Variants in NEMP2 observed in about 807,000 individuals in gnomAD.
NEMP2 encodes the protein UPF0571 transmembrane protein.
A neutral mutation model predicts 54.2 loss-of-function variants in NEMP2; 53 were observed. That is an observed-to-expected ratio of 0.98 (90% confidence interval 0.78 to 1.23). The LOEUF is 1.23. NEMP2 is among the 50% of genes most tolerant of loss of function. The pLI is 0.00. For missense variants in NEMP2, 455 were observed against 511.3 expected, an observed-to-expected ratio of 0.89 and a Z score of 1.06; for synonymous variants, 197 against 190.3, an observed-to-expected ratio of 1.04 and a Z score of -0.29.
At chr2:190,643,716 C>T in the NEMP2 span, among the ~76,000 whole-genome samples, 1 of 152,090 alleles carries the variant, frequency 6.6e-6, no homozygotes, top group African/African-American at 2.4e-5. Flanking sequence ...AGCTTCAGCC[C>T]AGGAGTTCGA....
At chr2:190,480,657 G>C in the NEMP2 span, among the ~76,000 whole-genome samples, 2 of 152,186 alleles carry the variant, frequency 1.3e-5, no homozygotes, top group Non-Finnish European at 2.9e-5. Flanking sequence ...GCTAAGGCTT[G>C]AATTAGACTA....
the NEMP2 span, chr2:190,648,332 G>C: frequency 6.6e-6 from 1 of 152,254 alleles, no homozygotes; most frequent in African/African-American, 2.4e-5. Context: ...AGATGGGCGA[G>C]GCAGAGATGC....
the NEMP2 span, chr2:190,442,537 A>G: frequency 6.6e-6 from 1 of 152,152 alleles, no homozygotes; most frequent in South Asian, 2.1e-4. Context: ...GGTTCTTAAA[A>G]TAGTCCAAGT....
At chr2:190,515,077 G>A (rs911390372) in intron 6 of NEMP2, among the ~76,000 whole-genome samples, 1 of 152,128 alleles carries the variant, frequency 6.6e-6, no homozygotes, top group Non-Finnish European at 1.5e-5. Flanking sequence ...AGTGGAGGGA[G>A]TCACCCTCTG....
the NEMP2 span, among the ~76,000 whole-genome samples, chr2:190,540,833 A>G: frequency 6.6e-6 from 1 of 152,168 alleles, no homozygotes; most frequent in South Asian, 2.1e-4. Flanking sequence ...GTTTGGTAGA[A>G]TTCAGCAGTG....
At chr2:190,623,297 C>T in the NEMP2 span, among the ~76,000 whole-genome samples, 1 of 151,978 alleles carries the variant, frequency 6.6e-6, no homozygotes, top group African/African-American at 2.4e-5. Flanking sequence ...TGACATTCAT[C>T]ACAGAAATAG....
the NEMP2 span, among the ~76,000 whole-genome samples, chr2:190,598,440 T>C: frequency 2.0e-5 from 3 of 152,400 alleles, no homozygotes; most frequent in East Asian, 5.8e-4. Flanking sequence ...CTGTAACTTA[T>C]AATTGCTTTT....
chr2:190,476,751 A>G, the NEMP2 span, among the ~76,000 whole-genome samples: 9 of 152,278 alleles, frequency 5.9e-5, no homozygotes, highest in East Asian at 5.8e-4. Flanking sequence ...AGACACATGC[A>G]CACATATGTT....
chr2:190,586,961 C>A, the NEMP2 span, among the ~76,000 whole-genome samples: 1 of 152,108 alleles, frequency 6.6e-6, no homozygotes, highest in Non-Finnish European at 1.5e-5. The surrounding 1 kb of genome is among the most constrained non-coding windows in gnomAD (Gnocchi z 4.5). Context: ...TCATTTTCAT[C>A]TCTTGTGGAA....
At chr2:190,560,287 T>G in the NEMP2 span, among the ~76,000 whole-genome samples, 1 of 152,190 alleles carries the variant, frequency 6.6e-6, no homozygotes, top group Admixed American at 6.5e-5. This position sits in a 1 kb window ranked among gnomAD's most constrained non-coding sequence, Gnocchi z 5.4. Flanking sequence ...AAATCATGAA[T>G]GCAGTGGTCT....
At chr2:190,442,664 C>T in the NEMP2 span, 7 of 152,148 alleles carry the variant, frequency 4.6e-5, no homozygotes, top group Non-Finnish European at 7.4e-5. Flanking sequence ...GAGACCCCTA[C>T]ATTTCCAGCT....
At position 190,504,808 on chromosome 2, in the gene NEMP2, T is replaced by C. The variant is rs1030636313; in HGVS notation, c.*4381A>G. On this transcript the variant is annotated 3_prime_UTR_variant, in exon 9 of 9. Coordinates refer to ENST00000409150, the MANE Select transcript of NEMP2 (RefSeq NM_001142645.2). This position sits in a 1 kb window ranked among gnomAD's most constrained non-coding sequence, Gnocchi z 5.6. The stretch of plus-strand genomic sequence containing the variant: ...TCACTGGCATCTTAGAAAAATAACA[T>C]GTAGACCAGTGCTACTCAAAGTGTG... 3.9e-5 allele frequency: 6 copies of C among 152,220 alleles called. No individual in the cohort carries two copies. Among genetic ancestry groups the C allele is most frequent in the African/African-American group, 9.6e-5 (4 of 41,454 alleles). 9.4% of individuals were successfully genotyped at this position (152,220 alleles called of 1,614,324 possible). A position where few individuals can be genotyped will look rare whatever the true frequency, so the allele number is the denominator to read the frequency against.
the NEMP2 span, among the ~76,000 whole-genome samples, chr2:190,550,299 T>C: frequency 6.6e-6 from 1 of 152,190 alleles, no homozygotes. This position sits in a 1 kb window ranked among gnomAD's most constrained non-coding sequence, Gnocchi z 4.7. Flanking sequence ...AGGTGGCTCC[T>C]TCTTACTATG....
chr2:190,451,374 G>A, the NEMP2 span, among the ~76,000 whole-genome samples: 1 of 152,206 alleles, frequency 6.6e-6, no homozygotes, highest in African/African-American at 2.4e-5. This position sits in a 1 kb window ranked among gnomAD's most constrained non-coding sequence, Gnocchi z 5.0. Context: ...ACAGTAGGTA[G>A]TATTGTTACT....
chr2:190,539,946 C>T, the NEMP2 span, among the ~76,000 whole-genome samples: 1 of 152,086 alleles, frequency 6.6e-6, no homozygotes, highest in African/African-American at 2.4e-5. This position sits in a 1 kb window ranked among gnomAD's most constrained non-coding sequence, Gnocchi z 4.1. Context: ...GCTAGGACTT[C>T]CAGTATTATG....
the NEMP2 span, among the ~76,000 whole-genome samples, chr2:190,544,005 A>G: frequency 6.6e-6 from 1 of 152,242 alleles, no homozygotes; most frequent in Non-Finnish European, 1.5e-5. Context: ...TTAAGTTAAA[A>G]GAAAATGGCA....
At chr2:190,471,585 C>T in the NEMP2 span, among the ~76,000 whole-genome samples, 1 of 152,322 alleles carries the variant, frequency 6.6e-6, no homozygotes, top group East Asian at 1.9e-4. The surrounding 1 kb of genome is among the most constrained non-coding windows in gnomAD (Gnocchi z 4.7). Flanking sequence ...GTAAACAAAG[C>T]AGCGGCTGGG....
chr2:190,636,904 A>G, the NEMP2 span, among the ~76,000 whole-genome samples: 1 of 152,238 alleles, frequency 6.6e-6, no homozygotes, highest in South Asian at 2.1e-4. Context: ...CAGAACATTC[A>G]GACAGACAAA....
At chr2:190,449,947 T>C in the NEMP2 span, among the ~76,000 whole-genome samples, 1 of 152,036 alleles carries the variant, frequency 6.6e-6, no homozygotes, top group African/African-American at 2.4e-5. Context: ...CACACCAGCA[T>C]GGCACATGTA....
Sources: gnomAD v4.1 joint callset for allele counts (sites outside exome capture counted in the v4.1 genomes callset) on GRCh38, gnomAD v4.1.1 for gene constraint, Gnocchi (gnomAD v3.1) non-coding constraint, MANE v1.5 for transcripts, NCBI Gene and HGNC (gene_info 2026-07-23, HGNC 2026-07-21) for gene names.